Variants in FYB1 observed in about 807,000 individuals in gnomAD.
FYB1 encodes the protein FYN binding protein 1.
In FYB1, 41 loss-of-function variants were observed where a neutral mutation model predicts 94.1. The observed-to-expected ratio is 0.44, with a 90% CI of 0.34 to 0.57. FYB1 has a LOEUF of 0.57. Among genes scored for constraint, FYB1 ranks in the 20% least tolerant of loss-of-function variants. The pLI is 0.02. For synonymous variants in FYB1, 367 were observed against 353.2 expected, an observed-to-expected ratio of 1.04 and a Z score of -0.44; for missense variants, 1,050 against 976.8, an observed-to-expected ratio of 1.07 and a Z score of -1.00.
At chr5:39,198,138 G>A (rs902081563) in intron 2 of FYB1, among the ~76,000 whole-genome samples, 2 of 152,062 alleles carry the variant, frequency 1.3e-5, no homozygotes, top group Non-Finnish European at 2.9e-5. Flanking sequence ...CACTTACAAC[G>A]AATCTCATGT....
At chr5:39,208,497 A>G (rs1417464936) in intron 1 of FYB1, among the ~76,000 whole-genome samples, 1 of 152,142 alleles carries the variant, frequency 6.6e-6, no homozygotes, top group Non-Finnish European at 1.5e-5. Flanking sequence ...GTCGTTTGTT[A>G]CCCATGACTT....
At chr5:39,230,844 T>TACACACACAC (rs10641788) in intron 1 of FYB1, among the ~76,000 whole-genome samples, 1,649 of 143,626 alleles carry the variant, frequency 0.011, 27 homozygotes, top group South Asian at 0.052. Context: ...TGTCTCAGTA[T>TACACACACAC]ACACACACAC....
In FYB1 at chr5:39,139,419, T is replaced by A. The variant is rs1741955368; in HGVS notation, c.1340-167A>T. 12 of 518,026 alleles carry A rather than the reference T, an allele frequency of 2.3e-5. No homozygotes were observed. The South Asian group carries it at 5.5e-4, about 24-fold the overall frequency. 32.1% of individuals were successfully genotyped at this position (518,026 alleles called of 1,614,324 possible). A position where few individuals can be genotyped will look rare whatever the true frequency, so the allele number is the denominator to read the frequency against. ...AAATCAAATACGTACTTTAGATCTT[T>A]ACTATGGCTTTTATTTGTGCTGGTG... On this transcript the variant is annotated intron_variant, in intron 4 of 18. Coordinates refer to ENST00000512982, the MANE Select transcript of FYB1 (RefSeq NM_001465.6).
At chr5:39,255,475 C>CT (rs373418347) in intron 1 of FYB1, among the ~76,000 whole-genome samples, 11 of 148,886 alleles carry the variant, frequency 7.4e-5, no homozygotes, top group African/African-American at 2.8e-4. Flanking sequence ...ACTTCAGTAC[C>CT]TTTTTTTATA....
chr5:39,124,616 G>T (rs368663931), intron 12 of FYB1, among the ~76,000 whole-genome samples: 5 of 152,112 alleles, frequency 3.3e-5, no homozygotes, highest in African/African-American at 1.2e-4. Context: ...TAAATGAAAG[G>T]GACTCAGTAT....
chr5:39,242,344 G>T (rs927896744), intron 1 of FYB1, among the ~76,000 whole-genome samples: 27 of 142,434 alleles, frequency 1.9e-4, no homozygotes, highest in African/African-American at 7.1e-4. Flanking sequence ...GTGTGTCCAA[G>T]TGTTCTCATT....
chr5:39,198,213 T>C (rs1177757662), intron 2 of FYB1, among the ~76,000 whole-genome samples: 4 of 152,182 alleles, frequency 2.6e-5, no homozygotes, highest in Admixed American at 1.3e-4. Flanking sequence ...AAGAAAGACA[T>C]ACACGGAAAG....
chr5:39,225,260 T>C (rs930858314), intron 1 of FYB1, among the ~76,000 whole-genome samples: 12 of 152,216 alleles, frequency 7.9e-5, no homozygotes, highest in African/African-American at 2.9e-4. Flanking sequence ...TGTGTATGTG[T>C]CTGTTACAAC....
chr5:39,228,738 A>G (rs1278526879), intron 1 of FYB1, among the ~76,000 whole-genome samples: 2 of 152,188 alleles, frequency 1.3e-5, no homozygotes, highest in Admixed American at 6.5e-5. Context: ...AAAGTAGAAG[A>G]TACTTCTTAT....
At chr5:39,116,571 T>C (rs1389382101) in intron 16 of FYB1, among the ~76,000 whole-genome samples, 1 of 152,168 alleles carries the variant, frequency 6.6e-6, no homozygotes, top group African/African-American at 2.4e-5. Context: ...GATATTAGAT[T>C]ATGCAGTTAT....
chr5:39,126,367 C>T (rs1262859459), intron 11 of FYB1, among the ~76,000 whole-genome samples: 1 of 151,928 alleles, frequency 6.6e-6, no homozygotes, highest in Non-Finnish European at 1.5e-5. Context: ...GAGAATTCTC[C>T]CACTTCTTAA....
chr5:39,268,199 C>T (rs948888295), intron 1 of FYB1, among the ~76,000 whole-genome samples: 4 of 151,558 alleles, frequency 2.6e-5, no homozygotes, highest in African/African-American at 4.8e-5. Flanking sequence ...TTATAGAACA[C>T]GCTTAATGTT....
intron 11 of FYB1, among the ~76,000 whole-genome samples, chr5:39,126,404 A>G (rs1344423522): frequency 2.0e-5 from 3 of 152,098 alleles, no homozygotes; most frequent in African/African-American, 7.2e-5. Flanking sequence ...ATAAGGATTA[A>G]GTTTCAAAGA....
intron 2 of FYB1, among the ~76,000 whole-genome samples, chr5:39,178,929 T>C (rs1418703963): frequency 1.3e-5 from 2 of 152,224 alleles, no homozygotes; most frequent in Admixed American, 1.3e-4. Flanking sequence ...CTGGCTGAGT[T>C]TGAAAATCTT....
intron 1 of FYB1, among the ~76,000 whole-genome samples, chr5:39,237,129 C>G (rs1750999486): frequency 6.6e-6 from 1 of 152,004 alleles, no homozygotes; most frequent in Non-Finnish European, 1.5e-5. Flanking sequence ...GAAATCCCGA[C>G]AAAACAATTT....
chr5:39,150,467 A>G (rs1430134667), intron 3 of FYB1, among the ~76,000 whole-genome samples: 1 of 152,142 alleles, frequency 6.6e-6, no homozygotes, highest in East Asian at 1.9e-4. Flanking sequence ...CCTCTGCTTC[A>G]ATCTTTGGAA....
chr5:39,221,734 C>A (rs147058633), upstream of FYB1, among the ~76,000 whole-genome samples: 131 of 152,278 alleles, frequency 8.6e-4, 1 homozygote, highest in African/African-American at 3.0e-3. Flanking sequence ...AGGTGGCTCA[C>A]GCCTATAATC....
intron 2 of FYB1, among the ~76,000 whole-genome samples, chr5:39,185,627 CAT>C (rs551230213): frequency 0.011 from 1,532 of 139,974 alleles, 12 homozygotes; most frequent in Non-Finnish European, 0.016. Flanking sequence ...TATATACACA[CAT>C]ATATATATAT....
intron 14 of FYB1, among the ~76,000 whole-genome samples, chr5:39,121,816 A>C (rs535263222): frequency 2.0e-5 from 3 of 152,302 alleles, no homozygotes; most frequent in African/African-American, 7.2e-5. Flanking sequence ...CTTTTAAAAA[A>C]TAAATCTTTT....
Sources: allele counts gnomAD v4.1 joint callset (sites outside exome capture counted in the v4.1 genomes callset), GRCh38; gene constraint gnomAD v4.1.1; transcripts MANE v1.5; gene names NCBI Gene and HGNC (gene_info 2026-07-23, HGNC 2026-07-21).